PYM1: variants seen among roughly 807,000 people sequenced by gnomAD.
PYM1 encodes partner of Y14 and mago.
PYM1 carries 7 observed loss-of-function variants against 20.7 expected under a neutral mutation model. The observed-to-expected ratio is 0.34, with a 90% CI of 0.19 to 0.64. The LOEUF is 0.64. PYM1 is among the 30% of genes least tolerant of loss of function. The pLI is 0.74. For synonymous variants in PYM1, 100 were observed against 99.2 expected (o/e 1.01, Z -0.05); for missense variants, 194 against 250.0 (o/e 0.78, Z 1.51).
intron 1 of PYM1, among the ~76,000 whole-genome samples, chr12:55,905,633 G>A (rs1035516908): frequency 1.3e-5 from 2 of 148,652 alleles, no homozygotes; most frequent in Admixed American, 1.4e-4. Context: ...AACCCACGAG[G>A]CGGAGGTTGC....
At chr12:55,921,680 A>G (rs1345971087) in intron 1 of PYM1, among the ~76,000 whole-genome samples, 1 of 152,184 alleles carries the variant, frequency 6.6e-6, no homozygotes, top group Non-Finnish European at 1.5e-5. Context: ...CAATGATGGC[A>G]AATGTCAAAG....
rs1156576139 is a variant in PYM1, at chr12:55,901,763, G to A, written c.*109C>T. The A allele has an allele frequency of 1.5e-5, 1 of 65,246 alleles. No homozygotes were observed. The highest frequency in any genetic ancestry group is 2.3e-5 in the Non-Finnish European group (1 of 43,268). 4.0% of individuals were successfully genotyped at this position (65,246 alleles called of 1,614,324 possible). On this transcript the variant is annotated 3_prime_UTR_variant, in exon 3 of 3. Coordinates refer to ENST00000408946, the MANE Select transcript of PYM1 (RefSeq NM_032345.3). ...CAGAGCTGGGCCGCAGGAGGTGGAA[G>A]TAAGCCAGTATGGGGGGTACCCCTC...
Position 55,901,726 on chromosome 12 carries a change from G to A in PYM1, c.*146C>T, listed in dbSNP as rs968729330. 1.4e-5 allele frequency: 16 copies of A among 1,155,512 alleles called. No homozygotes were observed. The African/African-American group carries it at 1.9e-4, about 14-fold the overall frequency. 71.6% of individuals were successfully genotyped at this position (1,155,512 alleles called of 1,614,324 possible). A position where few individuals can be genotyped will look rare whatever the true frequency, so the allele number is the denominator to read the frequency against. On this transcript the variant is annotated 3_prime_UTR_variant, in exon 3 of 3. Transcript: ENST00000408946. Reference sequence around the variant, plus strand: ...AAGGGAAGGATTGAGGGAGACGCTAGGCTCTGGAGGACAGAGCTGGGCCGC... The same window carrying A: ...AAGGGAAGGATTGAGGGAGACGCTAAGCTCTGGAGGACAGAGCTGGGCCGC...
chr12:55,911,714 G>A (rs1242650205), intron 1 of PYM1, among the ~76,000 whole-genome samples: 7 of 151,622 alleles, frequency 4.6e-5, no homozygotes, highest in African/African-American at 1.5e-4. Flanking sequence ...GGTGGCGGGC[G>A]CCTGTAATCC....
intron 2 of PYM1, 48 bp from the exon 3 acceptor site, chr12:55,902,403 T>C: frequency 6.4e-7 from 1 of 1,551,648 alleles, no homozygotes; most frequent in Non-Finnish European, 8.7e-7. Flanking sequence ...TACTGACTTT[T>C]TGATCCCTTT....
At chr12:55,906,641 TTTTA>T (rs531582025) in intron 1 of PYM1, among the ~76,000 whole-genome samples, 2 of 152,238 alleles carry the variant, frequency 1.3e-5, no homozygotes, top group Non-Finnish European at 2.9e-5. Flanking sequence ...TACTATTTTA[TTTTA>T]TTTATTTATT....
chr12:55,927,586 G>C, intron 1 of PYM1, 139 bp downstream of exon 1: 1 of 1,124,830 alleles, frequency 8.9e-7, no homozygotes, highest in Non-Finnish European at 1.3e-6. Flanking sequence ...AGTGTTTCTA[G>C]GGACGGTTGG....
chr12:55,921,187 T>C (rs1269558562), intron 1 of PYM1, among the ~76,000 whole-genome samples: 1 of 152,208 alleles, frequency 6.6e-6, no homozygotes, highest in Non-Finnish European at 1.5e-5. Flanking sequence ...CTTGGCCATA[T>C]ATAGTAATTT....
At chr12:55,919,425 G>C (rs1883060640) in intron 1 of PYM1, among the ~76,000 whole-genome samples, 1 of 152,074 alleles carries the variant, frequency 6.6e-6, no homozygotes, top group Non-Finnish European at 1.5e-5. Flanking sequence ...AAGTGTTGAG[G>C]TTACAGGCGT....
intron 1 of PYM1, among the ~76,000 whole-genome samples, chr12:55,913,084 T>C (rs921152922): frequency 1.3e-5 from 2 of 152,248 alleles, no homozygotes. Context: ...TATTTGCTTA[T>C]CTTAAGTTCA....
In PYM1 at chr12:55,901,737, A is replaced by G. The variant is rs1438724764; in HGVS notation, c.*135T>C. 8.0e-7 allele frequency: 1 copy of G among 1,254,272 alleles called. No individual in the cohort carries two copies. Among genetic ancestry groups the G allele is most frequent in the Non-Finnish European group, 1.1e-6 (1 of 918,876 alleles). The allele number at this position is 1,254,272 out of a possible 1,614,324, so 77.7% of individuals were successfully genotyped here. A position where few individuals can be genotyped will look rare whatever the true frequency, so the allele number is the denominator to read the frequency against. Reference sequence around the variant, plus strand: ...TGAGGGAGACGCTAGGCTCTGGAGGACAGAGCTGGGCCGCAGGAGGTGGAA... The same window carrying G: ...TGAGGGAGACGCTAGGCTCTGGAGGGCAGAGCTGGGCCGCAGGAGGTGGAA... On this transcript the variant is annotated 3_prime_UTR_variant, in exon 3 of 3. Transcript: ENST00000408946.
chr12:55,910,025 C>T (rs1214830959), intron 1 of PYM1, among the ~76,000 whole-genome samples: 2 of 152,004 alleles, frequency 1.3e-5, no homozygotes, highest in African/African-American at 2.4e-5. Context: ...CATAGGGAGA[C>T]CCCTGTCTTT....
intron 1 of PYM1, among the ~76,000 whole-genome samples, chr12:55,910,599 C>G (rs527296443): frequency 9.2e-5 from 14 of 152,132 alleles, no homozygotes; most frequent in African/African-American, 2.9e-4. Flanking sequence ...CCCACTACCA[C>G]GCCCAGCTAA....
rs1442734244 is a variant in PYM1, at chr12:55,902,304, T to C, written c.183A>G (p.Pro61=). The C allele has an allele frequency of 3.1e-6, 5 of 1,613,900 alleles. No homozygotes were observed. In the African/African-American group the frequency reaches 6.7e-5, roughly 22 times the overall value. The change falls in exon 3 of 3, where the codon CCA becomes CCG. Residue 61 remains proline (P), a synonymous_variant. Transcript: ENST00000408946. The part of the protein sequence containing the change: ...KFFKSKPELP[P]GLSPEATAPV... ...GAGCAGTGGCCTCAGGGCTTAGCCC[T>C]GGGGGCAACTCTGGTTTACTCTTGA...
intron 1 of PYM1, 112 bp downstream of exon 1, chr12:55,927,613 T>C: frequency 7.2e-7 from 1 of 1,392,226 alleles, no homozygotes; most frequent in Non-Finnish European, 9.8e-7. Flanking sequence ...TATCTAACCC[T>C]AAGAAGGTGG....
At chr12:55,920,861 C>T (rs1001391578) in intron 1 of PYM1, among the ~76,000 whole-genome samples, 1 of 152,082 alleles carries the variant, frequency 6.6e-6, no homozygotes, top group African/African-American at 2.4e-5. Flanking sequence ...AAACATTTAC[C>T]TCATAAGGCT....
intron 1 of PYM1, among the ~76,000 whole-genome samples, chr12:55,912,308 C>T (rs761123626): frequency 3.9e-5 from 6 of 152,136 alleles, no homozygotes; most frequent in East Asian, 1.9e-4. Context: ...ACCGAGATCA[C>T]GCCACTGCAC....
Position 55,923,564 on chromosome 12 carries a change from GA to G in PYM1, c.37+4160del, listed in dbSNP as rs761816441. 5.4e-4 allele frequency among the ~76,000 whole-genome samples: 60 copies of G among 111,492 alleles called. 1 individual carries two copies. Among genetic ancestry groups the G allele is most frequent in the South Asian group, 1.2e-3 (4 of 3,396 alleles). The allele number at this position is 111,492 out of a possible 152,430, so 73.1% of individuals were successfully genotyped here. ...TGGGTGACAGAGCAAGACCCTGTCT[GA>G]AAAAAAAAAAAAACAAAACTAATGA... On this transcript the variant is annotated intron_variant, in intron 1 of 2. Coordinates refer to ENST00000408946, the MANE Select transcript of PYM1 (RefSeq NM_032345.3).
At chr12:55,910,898 G>A (rs1431448873) in intron 1 of PYM1, among the ~76,000 whole-genome samples, 4 of 152,174 alleles carry the variant, frequency 2.6e-5, no homozygotes, top group African/African-American at 9.7e-5. Flanking sequence ...TTTGTCTAAA[G>A]GCCTGAGATC....
Sources: gnomAD v4.1 joint callset for allele counts (sites outside exome capture counted in the v4.1 genomes callset) on GRCh38, gnomAD v4.1.1 for gene constraint, MANE v1.5 for transcripts, NCBI Gene and HGNC (gene_info 2026-07-23, HGNC 2026-07-21) for gene names.